SHISA9: variants seen among roughly 807,000 people sequenced by gnomAD.
The protein encoded by SHISA9 is shisa family member 9.
In SHISA9, 13 loss-of-function variants were observed where a neutral mutation model predicts 38.0. The ratio of observed to expected loss-of-function variants is 0.34; its 90% CI spans 0.22 to 0.54. The LOEUF is 0.54. Ranked by LOEUF, SHISA9 falls within the 20% of genes least tolerant of loss-of-function variation. SHISA9 has a pLI of 0.91. For synonymous variants in SHISA9, 275 were observed against 242.0 expected (o/e 1.14, Z -1.27); for missense variants, 538 against 575.8 (o/e 0.93, Z 0.67).
At chr16:13,089,871 C>G (rs901193527) in intron 2 of SHISA9, among the ~76,000 whole-genome samples, 1 of 152,100 alleles carries the variant, frequency 6.6e-6, no homozygotes, top group African/African-American at 2.4e-5. Flanking sequence ...TCTTGCTTCT[C>G]TAGTTCTTTT....
intron 2 of SHISA9, among the ~76,000 whole-genome samples, chr16:12,931,749 T>A (rs2071464089): frequency 1.3e-5 from 2 of 152,234 alleles, no homozygotes; most frequent in South Asian, 4.1e-4. Context: ...GTGATGAACA[T>A]ACAGGTGGGT....
At chr16:13,247,043 C>G in the SHISA9 span, among the ~76,000 whole-genome samples, 1 of 151,666 alleles carries the variant, frequency 6.6e-6, no homozygotes, top group Non-Finnish European at 1.5e-5. Flanking sequence ...AAGTGACTCA[C>G]AGTTCCACGT....
chr16:13,116,653 C>G (rs74012269), intron 2 of SHISA9, among the ~76,000 whole-genome samples: 8,420 of 152,194 alleles, frequency 0.055, 354 homozygotes, highest in East Asian at 0.17. Flanking sequence ...GCAAGTATTT[C>G]CTAAGTGTGT....
chr16:13,181,245 A>C (rs943476809), intron 2 of SHISA9, among the ~76,000 whole-genome samples: 1 of 141,386 alleles, frequency 7.1e-6, no homozygotes, highest in African/African-American at 2.6e-5. Flanking sequence ...AGGCCCAAGA[A>C]AGTCTTTCCT....
chr16:13,213,148 G>A, intron 3 of SHISA9, 105 bp from the exon 4 acceptor site: 1 of 953,582 alleles, frequency 1.0e-6, no homozygotes, highest in Admixed American at 2.1e-5. Context: ...GTCCCTGCTT[G>A]GAGGCTGCAG....
the SHISA9 span, among the ~76,000 whole-genome samples, chr16:13,411,661 A>T: frequency 6.6e-6 from 1 of 152,238 alleles, no homozygotes; most frequent in Admixed American, 6.5e-5. Flanking sequence ...TCCAAGCAGC[A>T]GAATAAATGA....
chr16:13,085,682 A>G (rs78059656), intron 2 of SHISA9, among the ~76,000 whole-genome samples: 7,023 of 152,296 alleles, frequency 0.046, 323 homozygotes, highest in Admixed American at 0.14. Context: ...CTAATGTGAG[A>G]AATTCAGGTG....
At chr16:13,022,781 T>C (rs1357458119) in intron 2 of SHISA9, among the ~76,000 whole-genome samples, 1 of 152,062 alleles carries the variant, frequency 6.6e-6, no homozygotes, top group African/African-American at 2.4e-5. Flanking sequence ...ATTTCATTTT[T>C]CAAAGAGACA....
At chr16:12,961,643 A>T (rs1444625880) in intron 2 of SHISA9, among the ~76,000 whole-genome samples, 1 of 152,180 alleles carries the variant, frequency 6.6e-6, no homozygotes, top group Non-Finnish European at 1.5e-5. Flanking sequence ...AAGGAGAAAG[A>T]AGGAGAACAG....
At chr16:13,263,336 C>T in the SHISA9 span, among the ~76,000 whole-genome samples, 5 of 152,134 alleles carry the variant, frequency 3.3e-5, no homozygotes, top group African/African-American at 1.2e-4. Flanking sequence ...GGAGGTGGGG[C>T]CTGGTGGGAG....
At chr16:13,358,890 C>T in the SHISA9 span, among the ~76,000 whole-genome samples, 14 of 152,116 alleles carry the variant, frequency 9.2e-5, no homozygotes, top group Non-Finnish European at 1.8e-4. Context: ...GTTAGAAGGA[C>T]CTGCTGGAAT....
chr16:13,236,590 G>C lies in SHISA9; in HGVS notation c.*1181G>C, dbSNP rs1055659932. On this transcript the variant is annotated 3_prime_UTR_variant, in exon 5 of 5. Transcript: ENST00000558583. ...AATGTGTTACTGTTGTTTAATGACA[G>C]TCTTGTTTCCCAAGTGCAACCTGTG... The C allele has an allele frequency of 6.6e-6, 1 of 152,268 alleles. No individual in the cohort carries two copies. Among genetic ancestry groups the C allele is most frequent in the Middle Eastern group, 3.2e-3 (1 of 316 alleles). The allele number at this position is 152,268 out of a possible 1,614,324, so 9.4% of individuals were successfully genotyped here.
intron 2 of SHISA9, among the ~76,000 whole-genome samples, chr16:13,035,381 ATC>A (rs1159909528): frequency 2.0e-5 from 3 of 152,176 alleles, no homozygotes; most frequent in Non-Finnish European, 4.4e-5. Context: ...CACTCTATCA[ATC>A]TTCCTACATC....
the SHISA9 span, among the ~76,000 whole-genome samples, chr16:13,266,496 C>A: frequency 6.6e-6 from 1 of 152,144 alleles, no homozygotes; most frequent in African/African-American, 2.4e-5. Flanking sequence ...AGGGAGCTAG[C>A]TTTGATGAGG....
intron 2 of SHISA9, among the ~76,000 whole-genome samples, chr16:13,064,391 A>C (rs2073410244): frequency 2.0e-5 from 3 of 152,208 alleles, no homozygotes; most frequent in African/African-American, 7.2e-5. Flanking sequence ...AATAGAACAC[A>C]TGAGATCAGG....
chr16:13,228,025 G>A (rs549985423), intron 4 of SHISA9, among the ~76,000 whole-genome samples: 1 of 152,346 alleles, frequency 6.6e-6, no homozygotes, highest in South Asian at 2.1e-4. Context: ...TCCAGGAATT[G>A]TGCTGTGTAG....
At chr16:13,258,927 A>T in the SHISA9 span, among the ~76,000 whole-genome samples, 13 of 152,140 alleles carry the variant, frequency 8.5e-5, no homozygotes, top group African/African-American at 2.7e-4. Context: ...GGCCCCTCCC[A>T]ATCTCATGTC....
In SHISA9 at chr16:13,237,816, G is replaced by C. The variant is rs1232197036; in HGVS notation, c.*2407G>C. On this transcript the variant is annotated 3_prime_UTR_variant, in exon 5 of 5. Transcript: ENST00000558583. ...AGACCCCAGAGCTTCCCAGAGTCAA[G>C]TAAATACCACTGGGCATGGTCAGAG... The C allele has an allele frequency of 2.6e-5, 4 of 152,040 alleles. No individual in the cohort carries two copies. Among genetic ancestry groups the C allele is most frequent in the Non-Finnish European group, 4.4e-5 (3 of 68,030 alleles). The allele number at this position is 152,040 out of a possible 1,614,324, so 9.4% of individuals were successfully genotyped here.
intron 2 of SHISA9, among the ~76,000 whole-genome samples, chr16:13,093,703 A>C (rs2073798118): frequency 6.6e-6 from 1 of 152,084 alleles, no homozygotes; most frequent in African/African-American, 2.4e-5. Flanking sequence ...GGATTTCCTC[A>C]GGAGTCTGGT....
Sources: gnomAD v4.1 joint callset for allele counts (sites outside exome capture counted in the v4.1 genomes callset) on GRCh38, gnomAD v4.1.1 for gene constraint, MANE v1.5 for transcripts, NCBI Gene and HGNC (gene_info 2026-07-23, HGNC 2026-07-21) for gene names.